Variants in H6PD observed in about 807,000 individuals in gnomAD.
The protein encoded by H6PD is GDH/6PGL endoplasmic bifunctional protein.
H6PD carries 48 observed loss-of-function variants against 61.2 expected under a neutral mutation model. That is an observed-to-expected ratio of 0.78 (90% confidence interval 0.62 to 1.00). The LOEUF (loss-of-function observed/expected upper bound fraction) is 1.00. Ranked by LOEUF, H6PD falls within the 50% of genes least tolerant of loss-of-function variation. The pLI is 0.00. For synonymous variants in H6PD, 480 were observed against 457.9 expected (o/e 1.05, Z -0.62); for missense variants, 1,093 against 1,065.0 (o/e 1.03, Z -0.37).
At chr1:9,236,668 TAA>T (rs34967254) in intron 1 of H6PD, among the ~76,000 whole-genome samples, 53 of 111,380 alleles carry the variant, frequency 4.8e-4, no homozygotes, top group Admixed American at 9.3e-4. Context: ...GACTTCTCCT[TAA>T]AAAAAAAAAA....
rs551387872 is a variant in H6PD, at chr1:9,254,068, G to A, written c.745+6985G>A. ...AGATGGCAGAGCCGGTATTTAAACC[G>A]GGGCAGGCTGGGCACGGGGGCTTAT... On this transcript the variant is annotated intron_variant, in intron 3 of 4. Transcript: ENST00000377403. This position sits in a 1 kb window ranked among gnomAD's most constrained non-coding sequence, Gnocchi z 4.6. 8.7e-4 allele frequency among the ~76,000 whole-genome samples: 132 copies of A among 152,280 alleles called. No homozygotes were observed. Among genetic ancestry groups the A allele is most frequent in the African/African-American group, 3.1e-3 (127 of 41,560 alleles).
chr1:9,256,422 T>G (rs1240356115), intron 3 of H6PD, among the ~76,000 whole-genome samples: 1 of 152,152 alleles, frequency 6.6e-6, no homozygotes, highest in Non-Finnish European at 1.5e-5. Flanking sequence ...GCTGCCGGCT[T>G]CATTTCTTGC....
At position 9,270,082 on chromosome 1, in the gene H6PD, T is replaced by G. The variant is rs936455643; in HGVS notation, c.*5213T>G. On this transcript the variant is annotated 3_prime_UTR_variant, in exon 5 of 5. Transcript: ENST00000377403. ...CCTCTAGCCAACTTTTGGGAGCGCT[T>G]CTGTTTGCAAAGCGCTGGGGATGTG... The G allele has an allele frequency of 6.6e-6, 1 of 152,564 alleles. No homozygotes were observed. Among genetic ancestry groups the G allele is most frequent in the Non-Finnish European group, 1.5e-5 (1 of 68,028 alleles). 9.5% of individuals were successfully genotyped at this position (152,564 alleles called of 1,614,324 possible).
chr1:9,249,777 C>G (rs1416512625), intron 3 of H6PD, among the ~76,000 whole-genome samples: 1 of 152,192 alleles, frequency 6.6e-6, no homozygotes, highest in Non-Finnish European at 1.5e-5. Flanking sequence ...TGGGGTTTGG[C>G]CCTCACTGGT....
chr1:9,241,258 T>TC (rs1162198891), intron 1 of H6PD, among the ~76,000 whole-genome samples: 13 of 104,796 alleles, frequency 1.2e-4, no homozygotes, highest in African/African-American at 4.7e-4. Context: ...TCACTGCCCC[T>TC]CCCCCCACCC....
At position 9,235,043 on chromosome 1, in the gene H6PD, G is replaced by A. The variant is rs144021699; in HGVS notation, c.-34G>A. 2.1e-3 allele frequency: 310 copies of A among 148,014 alleles called. No homozygotes were observed. Among genetic ancestry groups the A allele is most frequent in the Non-Finnish European group, 3.7e-3 (246 of 66,086 alleles). 9.2% of individuals were successfully genotyped at this position (148,014 alleles called of 1,614,324 possible). A position where few individuals can be genotyped will look rare whatever the true frequency, so the allele number is the denominator to read the frequency against. On this transcript the variant is annotated 5_prime_UTR_variant, in exon 1 of 5. Coordinates refer to ENST00000377403, the MANE Select transcript of H6PD (RefSeq NM_004285.4). ...GCCCCGGCCGTGTCCCGGAGGAGCGGCCTGCGCCGCCGCGCGAGAGGAAGT... is the reference window on the plus strand; with the variant it reads ...GCCCCGGCCGTGTCCCGGAGGAGCGACCTGCGCCGCCGCGCGAGAGGAAGT...
At chr1:9,253,222 G>C (rs1393766306) in intron 3 of H6PD, among the ~76,000 whole-genome samples, 2 of 152,070 alleles carry the variant, frequency 1.3e-5, no homozygotes, top group African/African-American at 4.8e-5. Context: ...AAACACAGGC[G>C]CACCCCCTGA....
chr1:9,250,670 G>T (rs555134058), intron 3 of H6PD, among the ~76,000 whole-genome samples: 1 of 152,188 alleles, frequency 6.6e-6, no homozygotes, highest in African/African-American at 2.4e-5. Context: ...TGGCACCTGC[G>T]TAACCGAAGC....
At position 9,264,186 on chromosome 1, in the gene H6PD, T is replaced by C. The variant is rs771217668; in HGVS notation, c.1693T>C (p.Ser565Pro). ...CTCCGCCTGGTCCGAGGAGCTGATC[T>C]CTAAGCTGGCTAATGACATCGAGGC... ...LVSAWSEELISKLANDIEATA... is the reference protein window; with the variant it reads ...LVSAWSEELIPKLANDIEATA... Residue 565 changes from serine (S) to proline (P), a missense_variant, in exon 5 of 5, where the codon TCT becomes CCT. Transcript: ENST00000377403. 4 of 1,611,888 alleles carry C rather than the reference T, an allele frequency of 2.5e-6. No homozygotes were observed. Among genetic ancestry groups the C allele is most frequent in the Non-Finnish European group, 3.4e-6 (4 of 1,178,826 alleles).
chr1:9,262,004 C>T, intron 3 of H6PD, 55 bp from the exon 4 acceptor site: 2 of 1,582,658 alleles, frequency 1.3e-6, no homozygotes, highest in Non-Finnish European at 1.7e-6. Context: ...TCGGGGAGAT[C>T]TGATGTTCTG....
chr1:9,249,763 GT>G (rs1336997591), intron 3 of H6PD, among the ~76,000 whole-genome samples: 1 of 152,210 alleles, frequency 6.6e-6, no homozygotes, highest in Non-Finnish European at 1.5e-5. Context: ...GACTGCAACT[GT>G]CCTGGGGTTT....
rs770669859 is a variant in H6PD, at chr1:9,245,395, G to C, written c.461G>C (p.Arg154Pro). ...VPPFAYEDIA[R>P]NINSSCRPGP... Reference sequence around the variant, plus strand: ...CCCTTCGCCTATGAAGACATTGCCCGCAACATCAACAGTAGCTGCCGGCCA... The same window carrying C: ...CCCTTCGCCTATGAAGACATTGCCCCCAACATCAACAGTAGCTGCCGGCCA... The change falls in exon 2 of 5, where the codon CGC (arginine) becomes CCC (proline). Residue 154 changes from arginine (R) to proline (P), a missense_variant. Physicochemically the swap from Arg to Pro is moderately radical, Grantham distance 103. Transcript: ENST00000377403. This position sits in a 1 kb window ranked among gnomAD's most constrained non-coding sequence, Gnocchi z 4.8. 6.2e-7 allele frequency: 1 copy of C among 1,614,000 alleles called. No individual in the cohort carries two copies.
At chr1:9,257,526 A>G (rs548770185) in intron 3 of H6PD, among the ~76,000 whole-genome samples, 6 of 152,180 alleles carry the variant, frequency 3.9e-5, no homozygotes, top group Non-Finnish European at 8.8e-5. Context: ...ATCCGTGACA[A>G]TGTGTGGATC....
Position 9,263,846 on chromosome 1 carries a change from T to C in H6PD, c.1353T>C (p.Pro451=). The change falls in exon 5 of 5, where the codon CCT becomes CCC. Residue 451 remains proline (P), a synonymous_variant. Coordinates refer to ENST00000377403, the MANE Select transcript of H6PD (RefSeq NM_004285.4). ...SPLSDYYAYS[P]VRERDAHSVL... ...TGTCCGATTACTACGCCTACAGCCC[T>C]GTGCGGGAGCGGGACGCCCACTCCG... 1 of 1,613,994 alleles carries C rather than the reference T, an allele frequency of 6.2e-7. No homozygotes were observed. Among genetic ancestry groups the C allele is most frequent in the South Asian group, 1.1e-5 (1 of 91,086 alleles).
intron 3 of H6PD, among the ~76,000 whole-genome samples, chr1:9,261,705 G>C (rs1404543906): frequency 2.0e-5 from 3 of 152,252 alleles, no homozygotes; most frequent in Non-Finnish European, 1.5e-5. Context: ...CCACAGTGCC[G>C]AGCCTCCTAC....
chr1:9,239,881 C>T, intron 1 of H6PD: 3 of 597,634 alleles, frequency 5.0e-6, no homozygotes, highest in Non-Finnish European at 4.9e-6. Context: ...TCAGCACAGG[C>T]TGGGTCTGCT....
At chr1:9,252,164 T>C (rs1407587969) in intron 3 of H6PD, among the ~76,000 whole-genome samples, 1 of 152,214 alleles carries the variant, frequency 6.6e-6, no homozygotes, top group African/African-American at 2.4e-5. Context: ...ACGTGACTTA[T>C]ATTGGATTAT....
Position 9,255,712 on chromosome 1 carries a change from C to G in H6PD, c.746-6347C>G, listed in dbSNP as rs113921884. On this transcript the variant is annotated intron_variant, in intron 3 of 4. Transcript: ENST00000377403. ...ATTTGGTCACCCTGGGCCCACACTC[C>G]TGTGAGGCACCACCTGAATGCACCT... Among the ~76,000 whole-genome samples the G allele has an allele frequency of 9.4e-3, 1,429 of 152,336 alleles. 13 individuals are homozygous for G. Among genetic ancestry groups the G allele is most frequent in the Non-Finnish European group, 0.015 (1,002 of 68,034 alleles).
At chr1:9,247,578 A>G (rs1476168584) in intron 3 of H6PD, among the ~76,000 whole-genome samples, 1 of 151,486 alleles carries the variant, frequency 6.6e-6, no homozygotes, top group African/African-American at 2.4e-5. Context: ...TCACGGCGCC[A>G]CACACCTCCC....
Sources: gnomAD v4.1 joint callset for allele counts (sites outside exome capture counted in the v4.1 genomes callset) on GRCh38, gnomAD v4.1.1 for gene constraint, Gnocchi (gnomAD v3.1) non-coding constraint, MANE v1.5 for transcripts, NCBI Gene and HGNC (gene_info 2026-07-23, HGNC 2026-07-21) for gene names.